Variants in DISC1 observed in about 807,000 individuals in gnomAD.
DISC1 encodes disrupted in schizophrenia 1 protein.
A neutral mutation model predicts 84.5 loss-of-function variants in DISC1; 57 were observed. The observed-to-expected ratio is 0.67, with a 90% CI of 0.55 to 0.84. The LOEUF (loss-of-function observed/expected upper bound fraction) is 0.84. DISC1 is among the 40% of genes least tolerant of loss of function. The pLI is 0.00. For missense variants in DISC1, 1,000 were observed against 1,057.8 expected, an observed-to-expected ratio of 0.95 and a Z score of 0.76; for synonymous variants, 411 against 415.2, an observed-to-expected ratio of 0.99 and a Z score of 0.12.
chr1:232,030,522 A>G (rs918959955), intron 12 of DISC1, among the ~76,000 whole-genome samples: 1 of 152,186 alleles, frequency 6.6e-6, no homozygotes, highest in African/African-American at 2.4e-5. Context: ...ATGTCTGGGA[A>G]GCCCTTATGG....
intron 10 of DISC1, among the ~76,000 whole-genome samples, chr1:231,981,336 GTATCA>G (rs1663577196): frequency 6.6e-6 from 1 of 152,202 alleles, no homozygotes; most frequent in South Asian, 2.1e-4. Flanking sequence ...CATGCAAAAT[GTATCA>G]TATCAGATTT....
intron 10 of DISC1, among the ~76,000 whole-genome samples, chr1:231,976,690 C>A (rs1022545173): frequency 6.6e-6 from 1 of 152,150 alleles, no homozygotes; most frequent in Admixed American, 6.5e-5. Flanking sequence ...AAGTTGTTCA[C>A]TCTCTGGGGA....
At chr1:231,772,981 G>A (rs1445600193) in intron 6 of DISC1, among the ~76,000 whole-genome samples, 1 of 152,154 alleles carries the variant, frequency 6.6e-6, no homozygotes, top group Non-Finnish European at 1.5e-5. Context: ...TCTCCCACCT[G>A]CACTTTCAGA....
chr1:231,754,867 T>G (rs1351942099), intron 4 of DISC1, among the ~76,000 whole-genome samples: 7 of 152,182 alleles, frequency 4.6e-5, no homozygotes, highest in Non-Finnish European at 5.9e-5. Context: ...GTTGGCTTAC[T>G]TTATGAGCTA....
intron 9 of DISC1, among the ~76,000 whole-genome samples, chr1:231,869,452 T>C (rs1412333043): frequency 1.3e-5 from 2 of 152,112 alleles, no homozygotes; most frequent in Non-Finnish European, 2.9e-5. Flanking sequence ...GTTGCTATAA[T>C]GGAATAATTG....
intron 10 of DISC1, among the ~76,000 whole-genome samples, chr1:231,999,173 G>A (rs1017732349): frequency 1.3e-5 from 2 of 152,038 alleles, no homozygotes; most frequent in East Asian, 3.9e-4. Flanking sequence ...CCTGGTCTGG[G>A]AAAAAAGGCA....
chr1:231,783,130 C>T (rs921253229), intron 6 of DISC1, among the ~76,000 whole-genome samples: 6 of 151,964 alleles, frequency 3.9e-5, no homozygotes, highest in Non-Finnish European at 8.8e-5. Flanking sequence ...TATCATTTTC[C>T]CCTTAGATCA....
At chr1:231,823,570 A>G (rs2081648560) in intron 9 of DISC1, among the ~76,000 whole-genome samples, 1 of 152,224 alleles carries the variant, frequency 6.6e-6, no homozygotes, top group Non-Finnish European at 1.5e-5. Context: ...ACTTCTCTTG[A>G]AAGCATAGTG....
At chr1:231,817,521 A>G (rs947709026) in intron 8 of DISC1, among the ~76,000 whole-genome samples, 1 of 152,250 alleles carries the variant, frequency 6.6e-6, no homozygotes, top group Non-Finnish European at 1.5e-5. Context: ...CAGTGTATGT[A>G]TACAGTGTAT....
intron 9 of DISC1, among the ~76,000 whole-genome samples, chr1:231,930,223 C>A (rs1377232306): frequency 6.6e-6 from 1 of 152,128 alleles, no homozygotes; most frequent in South Asian, 2.1e-4. Flanking sequence ...TTAACCCTTG[C>A]GTTGTGCAGA....
intron 10 of DISC1, among the ~76,000 whole-genome samples, chr1:231,972,182 T>G (rs975595046): frequency 2.0e-5 from 3 of 152,200 alleles, no homozygotes; most frequent in African/African-American, 7.2e-5. Flanking sequence ...AATTTACTTT[T>G]GTTTTGTTGA....
chr1:231,981,340 C>A (rs914536635), intron 10 of DISC1, among the ~76,000 whole-genome samples: 1 of 152,130 alleles, frequency 6.6e-6, no homozygotes, highest in Non-Finnish European at 1.5e-5. Flanking sequence ...CAAAATGTAT[C>A]ATATCAGATT....
At chr1:231,762,622 A>G (rs901672480) in intron 4 of DISC1, among the ~76,000 whole-genome samples, 1 of 148,972 alleles carries the variant, frequency 6.7e-6, no homozygotes, top group Admixed American at 6.8e-5. Context: ...AAGTGCTGGG[A>G]TGACAGGCTT....
rs2081845993 is a variant in DISC1, at chr1:231,826,142, G to T, written c.1981+7625G>T. Among the ~76,000 whole-genome samples, 1 of 152,184 alleles carries T rather than the reference G, an allele frequency of 6.6e-6. No individual in the cohort carries two copies. The highest frequency in any genetic ancestry group is 2.4e-5 in the African/African-American group (1 of 41,448). On this transcript the variant is annotated intron_variant, in intron 9 of 12. Transcript: ENST00000439617. This position sits in a 1 kb window ranked among gnomAD's most constrained non-coding sequence, Gnocchi z 4.2. ...TCATCTCATCCTCTGGACCACTGTG[G>T]TACTGGCTCCACTGGAATCTCTGTT...
At position 232,030,929 on chromosome 1, in the gene DISC1, A is replaced by G. The variant is rs529037420; in HGVS notation, c.2425+4377A>G. ...GGAGTTTGAGACCAGCCTAGGCAAC[A>G]TGGCAAAACCCTGTCTCTATTAAAA... On this transcript the variant is annotated intron_variant, in intron 12 of 12. Coordinates refer to ENST00000439617, the MANE Select transcript of DISC1 (RefSeq NM_018662.3). Among the ~76,000 whole-genome samples the G allele has an allele frequency of 2.1e-3, 321 of 152,220 alleles. 1 individual carries two copies. Among genetic ancestry groups the G allele is most frequent in the African/African-American group, 7.0e-3 (292 of 41,528 alleles).
chr1:232,020,628 T>G (rs1470474083), intron 11 of DISC1, among the ~76,000 whole-genome samples: 1 of 152,182 alleles, frequency 6.6e-6, no homozygotes, highest in Non-Finnish European at 1.5e-5. Flanking sequence ...GCCTCCTGAT[T>G]AATACACCTG....
intron 10 of DISC1, among the ~76,000 whole-genome samples, chr1:231,963,929 A>AT (rs1660742791): frequency 6.6e-6 from 1 of 152,132 alleles, no homozygotes; most frequent in African/African-American, 2.4e-5. Flanking sequence ...CAGGACAGGG[A>AT]TTTTCACAGT....
rs533064855 is a variant in DISC1, at chr1:231,949,792, A to G, written c.1982-9036A>G. On this transcript the variant is annotated intron_variant, in intron 9 of 12. Coordinates refer to ENST00000439617, the MANE Select transcript of DISC1 (RefSeq NM_018662.3). ...TGCATATGAAAAGCCTCTGCTTTAG[A>G]GGGAAAAGTAAATTCTTTCCTTTTG... is the stretch of plus-strand genomic sequence containing the variant. Among the ~76,000 whole-genome samples the G allele has an allele frequency of 1.3e-3, 193 of 152,320 alleles. 1 individual carries two copies. Among genetic ancestry groups the G allele is most frequent in the African/African-American group, 4.6e-3 (191 of 41,578 alleles).
intron 10 of DISC1, among the ~76,000 whole-genome samples, chr1:231,991,294 G>A (rs144494525): frequency 6.6e-6 from 1 of 152,344 alleles, no homozygotes; most frequent in African/African-American, 2.4e-5. Flanking sequence ...GAAGAATAAC[G>A]CATTTTACCT....
Sources: gnomAD v4.1 joint callset for allele counts (sites outside exome capture counted in the v4.1 genomes callset) on GRCh38, gnomAD v4.1.1 for gene constraint, Gnocchi (gnomAD v3.1) non-coding constraint, MANE v1.5 for transcripts, NCBI Gene and HGNC (gene_info 2026-07-23, HGNC 2026-07-21) for gene names.